THEMIS: variants seen among roughly 807,000 people sequenced by gnomAD.
THEMIS encodes the protein thymocyte selection associated.
THEMIS carries 37 observed loss-of-function variants against 52.6 expected under a neutral mutation model. The ratio of observed to expected loss-of-function variants is 0.70; its 90% CI spans 0.54 to 0.93. THEMIS has a LOEUF of 0.93. Among genes scored for constraint, THEMIS ranks in the 40% least tolerant of loss-of-function variants. The probability of loss-of-function intolerance (pLI) is 0.00; values close to 1 mark genes in which losing one functional copy is unlikely to be tolerated. For missense variants in THEMIS, 808 were observed against 763.1 expected, an observed-to-expected ratio of 1.06 and a Z score of -0.69; for synonymous variants, 292 against 272.7, an observed-to-expected ratio of 1.07 and a Z score of -0.70.
intron 1 of THEMIS, among the ~76,000 whole-genome samples, chr6:127,898,541 G>A (rs567225309): frequency 3.3e-5 from 5 of 151,676 alleles, no homozygotes; most frequent in East Asian, 1.9e-4. Context: ...GTTTATACTC[G>A]ATGGGAATGT....
chr6:127,912,064 G>T (rs1429558673), intron 1 of THEMIS, among the ~76,000 whole-genome samples: 3 of 152,184 alleles, frequency 2.0e-5, no homozygotes, highest in Non-Finnish European at 4.4e-5. Flanking sequence ...ACCCTGCAAA[G>T]TCATGGGGCA....
chr6:127,790,243 A>G (rs967950734), intron 4 of THEMIS, among the ~76,000 whole-genome samples: 22 of 152,210 alleles, frequency 1.4e-4, no homozygotes. Flanking sequence ...TGGCCAAACC[A>G]GCTAAACCAA....
intron 1 of THEMIS, among the ~76,000 whole-genome samples, chr6:127,906,121 T>TA (rs1243029595): frequency 6.6e-6 from 1 of 151,244 alleles, no homozygotes; most frequent in South Asian, 2.1e-4. Context: ...TAAATCTACT[T>TA]AAAAATATAC....
chr6:127,918,282 A>G (rs1024779351), intron 1 of THEMIS: 1 of 152,186 alleles, frequency 6.6e-6, no homozygotes, highest in Non-Finnish European at 1.5e-5. Flanking sequence ...CTGGTAACTA[A>G]TATTTTTCAG....
In THEMIS at chr6:127,849,901, C is replaced by G. The variant is rs184480651; in HGVS notation, c.250+5129G>C. Among the ~76,000 whole-genome samples, 3 of 152,162 alleles carry G rather than the reference C, an allele frequency of 2.0e-5. No individual in the cohort carries two copies. The East Asian group carries it at 5.8e-4, about 29-fold the overall frequency. On this transcript the variant is annotated intron_variant, in intron 2 of 5. Coordinates refer to ENST00000368248, the MANE Select transcript of THEMIS (RefSeq NM_001010923.3). The stretch of plus-strand genomic sequence containing the variant: ...AATAAATAAATGGGACCTAATTAAA[C>G]TGAAGAGTTTCCACACAGCAAAAGA...
chr6:127,867,699 T>C (rs1371841220), intron 1 of THEMIS, among the ~76,000 whole-genome samples: 1 of 152,142 alleles, frequency 6.6e-6, no homozygotes, highest in Non-Finnish European at 1.5e-5. Context: ...CAGATATAGT[T>C]AGCGAACAGC....
upstream of THEMIS, among the ~76,000 whole-genome samples, chr6:127,904,582 T>C (rs1378899047): frequency 6.6e-6 from 1 of 152,084 alleles, no homozygotes; most frequent in Non-Finnish European, 1.5e-5. Context: ...CAGCCAGAAC[T>C]TCTGTAATAT....
chr6:127,911,878 C>T (rs892152394), intron 1 of THEMIS, among the ~76,000 whole-genome samples: 3 of 151,540 alleles, frequency 2.0e-5, no homozygotes, highest in Non-Finnish European at 2.9e-5. Flanking sequence ...AAGAAGGGGG[C>T]CATTGTCCTT....
rs141311144 is a variant in THEMIS, at chr6:127,910,566, A to C, written c.-150+7862T>G. 1.6e-3 allele frequency among the ~76,000 whole-genome samples: 239 copies of C among 152,308 alleles called. 2 individuals are homozygous for C. Among genetic ancestry groups the C allele is most frequent in the African/African-American group, 5.4e-3 (225 of 41,598 alleles). On this transcript the variant is annotated intron_variant, in intron 1 of 6. Transcript: ENST00000368250. ...TTCTACTATCACCATGCCTTAGGGA[A>C]GATAATTAGATGACTGTACATTTGA...
chr6:127,842,383 C>T (rs1164287054), intron 2 of THEMIS, among the ~76,000 whole-genome samples: 1 of 151,952 alleles, frequency 6.6e-6, no homozygotes, highest in Non-Finnish European at 1.5e-5. Context: ...ATATTTGGTA[C>T]CCAGGCATAA....
At position 127,813,850 on chromosome 6, in the gene THEMIS, A is replaced by C. The variant is rs1778031203; in HGVS notation, c.791T>G (p.Phe264Cys). ...DITDSYDANW[F>C]LQLLSTEDLF... ...ATCTTCTGTTGATAACAGCTGAAGA[A>C]ACCAGTTAGCATCGTAAGAATCAGT... The change falls in exon 4 of 6, where the codon TTT (phenylalanine) becomes TGT (cysteine). Residue 264 changes from phenylalanine to cysteine, a missense_variant. By Grantham distance (205) the Phe-to-Cys change is radical. Transcript: ENST00000368248. 1.2e-5 allele frequency: 20 copies of C among 1,613,416 alleles called. No individual in the cohort carries two copies. The highest frequency in any genetic ancestry group is 1.5e-5 in the Non-Finnish European group (18 of 1,179,810).
downstream of THEMIS, among the ~76,000 whole-genome samples, chr6:127,707,467 A>C (rs1353119845): frequency 6.6e-6 from 1 of 152,146 alleles, no homozygotes; most frequent in East Asian, 1.9e-4. Context: ...GAATAGATTG[A>C]TAGGTAGCAA....
At chr6:127,878,004 T>C (rs1410402598) in intron 1 of THEMIS, among the ~76,000 whole-genome samples, 2 of 152,204 alleles carry the variant, frequency 1.3e-5, no homozygotes, top group Non-Finnish European at 2.9e-5. Context: ...CCAGGGTGGC[T>C]ACACAACATG....
chr6:127,857,237 G>A (rs1779647960), intron 1 of THEMIS, among the ~76,000 whole-genome samples: 2 of 151,884 alleles, frequency 1.3e-5, no homozygotes, highest in African/African-American at 4.8e-5. Flanking sequence ...GGGCAATGTG[G>A]GAGTATACTG....
rs1488258343 is a variant in THEMIS at position 127,708,480 on chromosome 6, T to G, written c.*1505A>C. 6.6e-6 allele frequency: 1 copy of G among 152,092 alleles called. No homozygotes were observed. The highest frequency in any genetic ancestry group is 2.4e-5 in the African/African-American group (1 of 41,430). 9.4% of individuals were successfully genotyped at this position (152,092 alleles called of 1,614,324 possible). ...AAAATATTAATTATTCACTATTGTT[T>G]GAAAAATAACAAATTATATGAGTCT... is the stretch of plus-strand genomic sequence containing the variant. On this transcript the variant is annotated 3_prime_UTR_variant, in exon 6 of 6. Coordinates refer to ENST00000368248, the MANE Select transcript of THEMIS (RefSeq NM_001010923.3).
chr6:127,896,978 T>C (rs1360279956), intron 1 of THEMIS, among the ~76,000 whole-genome samples: 1 of 151,340 alleles, frequency 6.6e-6, no homozygotes, highest in African/African-American at 2.4e-5. Flanking sequence ...AGTAGATGAA[T>C]AGAACAGCAT....
intron 3 of THEMIS, among the ~76,000 whole-genome samples, chr6:127,820,455 A>G (rs1440623542): frequency 6.6e-6 from 1 of 152,234 alleles, no homozygotes; most frequent in Non-Finnish European, 1.5e-5. Flanking sequence ...TTTAAATGAG[A>G]GCACAGGGAC....
chr6:127,755,344 T>A (rs1775786413), intron 4 of THEMIS, among the ~76,000 whole-genome samples: 1 of 152,222 alleles, frequency 6.6e-6, no homozygotes, highest in Non-Finnish European at 1.5e-5. Context: ...AAGCTTTGGA[T>A]TTCTGCTGAG....
At chr6:127,853,371 T>G (rs1779498107) in intron 2 of THEMIS, among the ~76,000 whole-genome samples, 1 of 151,748 alleles carries the variant, frequency 6.6e-6, no homozygotes, top group African/African-American at 2.4e-5. Context: ...TAAGAAACCT[T>G]GATGACCAGA....
Sources: allele counts gnomAD v4.1 joint callset (sites outside exome capture counted in the v4.1 genomes callset), GRCh38; gene constraint gnomAD v4.1.1; transcripts MANE v1.5; gene names NCBI Gene and HGNC (gene_info 2026-07-23, HGNC 2026-07-21).